The following ADNP variants were observed in gnomAD, a reference collection of about 807,000 sequenced individuals.
The protein encoded by ADNP is activity-dependent neuroprotector homeobox protein.
In ADNP, 4 loss-of-function variants were observed where a neutral mutation model predicts 84.9. The ratio of observed to expected loss-of-function variants is 0.05; its 90% CI spans 0.02 to 0.11. The LOEUF (loss-of-function observed/expected upper bound fraction) is 0.11. ADNP is among the 10% of genes least tolerant of loss of function. The pLI, the probability that ADNP is intolerant of heterozygous loss-of-function variation, is 1.00. For missense variants in ADNP, 1,132 were observed against 1,326.0 expected (o/e 0.85, Z 2.27); for synonymous variants, 554 against 468.1 (o/e 1.18, Z -2.37).
rs766207917 is a variant in ADNP, at chr20:50,892,599, C to T, written c.2115G>A (p.Arg705=). The T allele has an allele frequency of 1.2e-6, 2 of 1,614,172 alleles. No homozygotes were observed. The highest frequency in any genetic ancestry group is 1.1e-5 in the South Asian group (1 of 91,084). ...NGQDKTNAPS[R]LNQSPSLAPV... ...GTGCCAGACTTGGAGACTGATTAAG[C>T]CGAGAGGGTGCATTTGTCTTATCCT... is the stretch of plus-strand genomic sequence containing the variant. Residue 705 remains arginine (R), a synonymous_variant, in exon 6 of 6, where the codon CGG becomes CGA. Coordinates refer to ENST00000621696, the MANE Select transcript of ADNP (RefSeq NM_001282531.3).
intron 2 of ADNP, among the ~76,000 whole-genome samples, chr20:50,914,748 G>A (rs955056361): frequency 6.6e-6 from 1 of 152,292 alleles, no homozygotes; most frequent in Non-Finnish European, 1.5e-5. Flanking sequence ...CAGGCTAGTC[G>A]TTCTGCTAGA....
Position 50,892,169 on chromosome 20 carries a change from G to C in ADNP, c.2545C>G (p.His849Asp). 6.2e-7 allele frequency: 1 copy of C among 1,614,102 alleles called. No homozygotes were observed. Reference sequence around the variant, plus strand: ...TTGACTCTGGAATCCTTCTCATCATGATTTTCAAATAGCCACTCAGCATCA... The same window carrying C: ...TTGACTCTGGAATCCTTCTCATCATCATTTTCAAATAGCCACTCAGCATCA... ...DFDAEWLFENHDEKDSRVNAS... is the reference protein window; with the variant it reads ...DFDAEWLFENDDEKDSRVNAS... The change falls in exon 6 of 6, where the codon CAT (histidine) becomes GAT (aspartate). Residue 849 changes from histidine (H) to aspartate (D), a missense_variant. Coordinates refer to ENST00000621696, the MANE Select transcript of ADNP (RefSeq NM_001282531.3).
At position 50,891,833 on chromosome 20, in the gene ADNP, C is replaced by G. The variant is rs201922657; in HGVS notation, c.2881G>C (p.Asp961His). ...GCACCGTCTTTCCACTCAACAACATCGTCTTGGTCAACCTCACTATCAGAT... is the reference window on the plus strand; with the variant it reads ...GCACCGTCTTTCCACTCAACAACATGGTCTTGGTCAACCTCACTATCAGAT... ...NASDSEVDQD[D>H]VVEWKDGASP... The change falls in exon 6 of 6, where the codon GAT (aspartate) becomes CAT (histidine). Residue 961 changes from aspartate (D) to histidine (H), a missense_variant. Asp to His is a moderately conservative substitution (Grantham distance 81). This residue lies in a region of ADNP where 381 missense variants were observed against 319.9 expected (regional missense o/e 1.19). Transcript: ENST00000621696. The G allele has an allele frequency of 1.2e-6, 2 of 1,614,194 alleles. No homozygotes were observed. Among genetic ancestry groups the G allele is most frequent in the African/African-American group, 1.3e-5 (1 of 75,058 alleles).
intron 2 of ADNP, 103 bp from the exon 3 acceptor site, chr20:50,904,952 T>C (rs1182147920): frequency 6.6e-6 from 1 of 152,140 alleles, no homozygotes; most frequent in African/African-American, 2.4e-5. Flanking sequence ...GACCAATGCA[T>C]GCCCCCACTC....
intron 2 of ADNP, chr20:50,914,140 G>C: frequency 1.3e-6 from 1 of 768,694 alleles, no homozygotes; most frequent in Non-Finnish European, 2.3e-6. Flanking sequence ...GGATCATTAT[G>C]AGGCTACAGC....
At position 50,893,392 on chromosome 20, in the gene ADNP, G is replaced by A; in HGVS notation, c.1322C>T (p.Ser441Phe). ...AATGPPPGNTSSTQKWKICTI... is the reference protein window; with the variant it reads ...AATGPPPGNTFSTQKWKICTI... ...ACATATTTTCCACTTTTGAGTTGAG[G>A]AAGTGTTACCTGGGGGAGGGCCTGT... Residue 441 changes from serine (S) to phenylalanine (F), a missense_variant, in exon 6 of 6, where the codon TCC becomes TTC. Ser to Phe is a radical substitution (Grantham distance 155). This residue lies in a region of ADNP where 87 missense variants were observed against 181.4 expected (regional missense o/e 0.48). Coordinates refer to ENST00000621696, the MANE Select transcript of ADNP (RefSeq NM_001282531.3). This position sits in a 1 kb window ranked among gnomAD's most constrained non-coding sequence, Gnocchi z 4.4. 1 of 1,614,188 alleles carries A rather than the reference G, an allele frequency of 6.2e-7. No individual in the cohort carries two copies. The highest frequency in any genetic ancestry group is 8.5e-7 in the Non-Finnish European group (1 of 1,180,030).
chr20:50,910,095 T>C (rs1319249828), intron 2 of ADNP, among the ~76,000 whole-genome samples: 1 of 151,982 alleles, frequency 6.6e-6, no homozygotes, highest in Non-Finnish European at 1.5e-5. Context: ...AGTGAATAAA[T>C]AAGAGGGAAG....
At chr20:50,925,784 G>C (rs1984251197) in intron 2 of ADNP, among the ~76,000 whole-genome samples, 1 of 152,222 alleles carries the variant, frequency 6.6e-6, no homozygotes. Flanking sequence ...ATTTACTCCA[G>C]TTACTATCAC....
chr20:50,891,181 TG>T lies in ADNP; in HGVS notation c.*223del. ...GTGTATTCATGAGTCACCAGCTTAT[TG>T]GTTTTTCACATTTAGTTACCGTGTC... On this transcript the variant is annotated 3_prime_UTR_variant, in exon 6 of 6. Coordinates refer to ENST00000621696, the MANE Select transcript of ADNP (RefSeq NM_001282531.3). 7.6e-7 allele frequency: 1 copy of T among 1,311,690 alleles called. No homozygotes were observed. The highest frequency in any genetic ancestry group is 9.7e-7 in the Non-Finnish European group (1 of 1,035,040). 81.3% of individuals were successfully genotyped at this position (1,311,690 alleles called of 1,614,324 possible).
chr20:50,915,016 G>A (rs1983402019), intron 2 of ADNP, among the ~76,000 whole-genome samples: 1 of 151,624 alleles, frequency 6.6e-6, no homozygotes, highest in African/African-American at 2.4e-5. Flanking sequence ...TAAAACGTAT[G>A]GTTTTTTAAA....
At chr20:50,923,287 A>G (rs1223994875) in intron 2 of ADNP, among the ~76,000 whole-genome samples, 1 of 152,138 alleles carries the variant, frequency 6.6e-6, no homozygotes, top group African/African-American at 2.4e-5. Context: ...CTCTACCGAA[A>G]CTACTCAGAA....
intron 5 of ADNP, among the ~76,000 whole-genome samples, chr20:50,901,347 A>G (rs1263298843): frequency 7.4e-6 from 1 of 134,320 alleles, no homozygotes; most frequent in Non-Finnish European, 1.7e-5. Context: ...AAAAAAAAAA[A>G]GTCAAATATC....
chr20:50,890,792 A>G lies in ADNP; in HGVS notation c.*613T>C, dbSNP rs1331907682. On this transcript the variant is annotated 3_prime_UTR_variant, in exon 6 of 6. Coordinates refer to ENST00000621696, the MANE Select transcript of ADNP (RefSeq NM_001282531.3). ...TTATGTGCAAAAACTAAGTCTGTCC[A>G]AAAAGTCCATACTAGCGCAGTTTTG... 3 of 467,508 alleles carry G rather than the reference A, an allele frequency of 6.4e-6. No individual in the cohort carries two copies. Among genetic ancestry groups the G allele is most frequent in the Non-Finnish European group, 8.4e-6 (3 of 356,732 alleles). 29.0% of individuals were successfully genotyped at this position (467,508 alleles called of 1,614,324 possible). A position where few individuals can be genotyped will look rare whatever the true frequency, so the allele number is the denominator to read the frequency against.
At chr20:50,912,031 T>C (rs1983086383) in intron 2 of ADNP, among the ~76,000 whole-genome samples, 1 of 152,176 alleles carries the variant, frequency 6.6e-6, no homozygotes, top group Admixed American at 6.6e-5. Flanking sequence ...GTTACACTAG[T>C]GAATGCAAAA....
chr20:50,899,813 C>T (rs902614002), intron 5 of ADNP, among the ~76,000 whole-genome samples: 3 of 146,152 alleles, frequency 2.1e-5, no homozygotes, highest in Non-Finnish European at 4.5e-5. Flanking sequence ...AAGTTTAAGA[C>T]TAGGAAAAAG....
Position 50,890,932 on chromosome 20 carries a change from C to G in ADNP, c.*473G>C. 2.0e-6 allele frequency: 2 copies of G among 987,128 alleles called. No homozygotes were observed. Among genetic ancestry groups the G allele is most frequent in the East Asian group, 1.1e-4 (1 of 8,850 alleles). 61.1% of individuals were successfully genotyped at this position (987,128 alleles called of 1,614,324 possible). A position where few individuals can be genotyped will look rare whatever the true frequency, so the allele number is the denominator to read the frequency against. On this transcript the variant is annotated 3_prime_UTR_variant, in exon 6 of 6. Transcript: ENST00000621696. Reference sequence around the variant, plus strand: ...GATCATGAGCATCACTTGAATAGGTCTAAAAGACTGTACAAATATACATTT... The same window carrying G: ...GATCATGAGCATCACTTGAATAGGTGTAAAAGACTGTACAAATATACATTT...
intron 2 of ADNP, among the ~76,000 whole-genome samples, chr20:50,923,844 G>T (rs954607719): frequency 1.3e-5 from 2 of 152,306 alleles, no homozygotes; most frequent in South Asian, 4.1e-4. Flanking sequence ...AAGTGTAACT[G>T]ATCTTGAAGC....
In ADNP at chr20:50,931,182, TGAG is replaced by T. The variant is rs1984733956; in HGVS notation, c.-624_-622del. ...GGGGACCGAGAGAGGGAGCTGTGTC[TGAG>T]AAGACGCCAAAATCCCCCTTAGCGC... On this transcript the variant is annotated 5_prime_UTR_variant, in exon 1 of 6. Transcript: ENST00000621696. 1 of 142,616 alleles carries T rather than the reference TGAG, an allele frequency of 7.0e-6. No individual in the cohort carries two copies. The highest frequency in any genetic ancestry group is 2.6e-5 in the African/African-American group (1 of 38,588). The allele number at this position is 142,616 out of a possible 1,614,324, so 8.8% of individuals were successfully genotyped here.
At chr20:50,917,914 C>T (rs926655365) in intron 2 of ADNP, among the ~76,000 whole-genome samples, 2 of 152,122 alleles carry the variant, frequency 1.3e-5, no homozygotes, top group African/African-American at 4.8e-5. Context: ...CAACATGAAC[C>T]TTGAAAACAT....
Sources: gnomAD v4.1 joint callset for allele counts (sites outside exome capture counted in the v4.1 genomes callset) on GRCh38, gnomAD v4.1.1 for gene constraint, gnomAD v4.1.1 regional missense constraint, Gnocchi (gnomAD v3.1) non-coding constraint, MANE v1.5 for transcripts, NCBI Gene and HGNC (gene_info 2026-07-23, HGNC 2026-07-21) for gene names.